The following LCLAT1 variants were observed in gnomAD, a reference collection of about 807,000 sequenced individuals.
LCLAT1 encodes the protein 1-AGP acyltransferase 8.
Under a neutral mutation model 30.7 loss-of-function variants are expected in LCLAT1, and 11 were observed. That is an observed-to-expected ratio of 0.36 (90% confidence interval 0.23 to 0.59). LCLAT1 has a LOEUF of 0.59. Among genes scored for constraint, LCLAT1 ranks in the 20% least tolerant of loss-of-function variants. LCLAT1 has a pLI of 0.77. For missense variants in LCLAT1, 402 were observed against 458.6 expected, an observed-to-expected ratio of 0.88 and a Z score of 1.13; for synonymous variants, 155 against 151.3, an observed-to-expected ratio of 1.02 and a Z score of -0.18.
intron 3 of LCLAT1, among the ~76,000 whole-genome samples, chr2:30,549,798 A>G (rs555005085): frequency 1.3e-5 from 2 of 152,232 alleles, no homozygotes; most frequent in African/African-American, 4.8e-5. Context: ...TATTTATTAT[A>G]TATGTCATTT....
chr2:30,594,648 A>G (rs899874764), intron 5 of LCLAT1, among the ~76,000 whole-genome samples: 3 of 152,354 alleles, frequency 2.0e-5, no homozygotes, highest in South Asian at 2.1e-4. Flanking sequence ...AGTTACCACT[A>G]TTGGATTAAC....
chr2:30,511,753 T>C (rs1390397302), intron 1 of LCLAT1, among the ~76,000 whole-genome samples: 2 of 152,210 alleles, frequency 1.3e-5, no homozygotes, highest in Admixed American at 6.5e-5. Flanking sequence ...GAAACTCTGT[T>C]TTACCTTCTC....
At chr2:30,471,516 G>T (rs1407593338) in intron 1 of LCLAT1, among the ~76,000 whole-genome samples, 2 of 152,174 alleles carry the variant, frequency 1.3e-5, no homozygotes, top group East Asian at 3.9e-4. Flanking sequence ...GGCCAGTATT[G>T]TCTTTTAATC....
At chr2:30,516,359 G>A (rs1310329914) in intron 1 of LCLAT1, among the ~76,000 whole-genome samples, 1 of 152,074 alleles carries the variant, frequency 6.6e-6, no homozygotes, top group Non-Finnish European at 1.5e-5. Context: ...TCGCAGACCC[G>A]CCATTGACTT....
chr2:30,609,962 G>T (rs1280648886), intron 5 of LCLAT1, among the ~76,000 whole-genome samples: 1 of 151,968 alleles, frequency 6.6e-6, no homozygotes, highest in Non-Finnish European at 1.5e-5. Context: ...ACTCTTTATT[G>T]ATACTTTTGA....
At chr2:30,558,453 A>G (rs1665034251) in intron 3 of LCLAT1, among the ~76,000 whole-genome samples, 2 of 152,064 alleles carry the variant, frequency 1.3e-5, no homozygotes, top group South Asian at 4.1e-4. Context: ...TACAAAAATT[A>G]GCCGGGCATG....
intron 5 of LCLAT1, among the ~76,000 whole-genome samples, chr2:30,609,172 T>C (rs72859002): frequency 0.044 from 6,684 of 152,252 alleles, 484 homozygotes; most frequent in African/African-American, 0.15. Flanking sequence ...GTTCTAGATA[T>C]AATCCCTTGT....
At chr2:30,508,751 T>C (rs1241383701) in intron 1 of LCLAT1, among the ~76,000 whole-genome samples, 2 of 152,146 alleles carry the variant, frequency 1.3e-5, no homozygotes, top group Non-Finnish European at 2.9e-5. Context: ...CTCTTTGGGC[T>C]CTTTTTTGGT....
rs567367439 is a variant in LCLAT1 at position 30,451,588 on chromosome 2, GA to G, written c.-5+4206del. ...CCTATTGTACATCAGCAGTAGAATG[GA>G]TGAGTAAATCGTGATATATTTATAA... On this transcript the variant is annotated intron_variant, in intron 1 of 5. Coordinates refer to ENST00000379509, the MANE Select transcript of LCLAT1 (RefSeq NM_001002257.3). 2.1e-4 allele frequency among the ~76,000 whole-genome samples: 32 copies of G among 151,558 alleles called. No homozygotes were observed. In the South Asian group the frequency reaches 4.9e-3, roughly 23 times the overall value.
At chr2:30,608,517 T>C (rs935496057) in intron 5 of LCLAT1, among the ~76,000 whole-genome samples, 1 of 152,056 alleles carries the variant, frequency 6.6e-6, no homozygotes, top group African/African-American at 2.4e-5. Context: ...GCAGACTCCA[T>C]TCATGGTAAG....
At chr2:30,548,733 C>CAAA (rs138303485) in intron 3 of LCLAT1, among the ~76,000 whole-genome samples, 1 of 152,038 alleles carries the variant, frequency 6.6e-6, no homozygotes, top group Non-Finnish European at 1.5e-5. Context: ...ATTTTTCCCA[C>CAAA]AAAAAACTTT....
chr2:30,531,909 G>A (rs943486587), intron 2 of LCLAT1, among the ~76,000 whole-genome samples: 11 of 152,140 alleles, frequency 7.2e-5, no homozygotes, highest in African/African-American at 2.7e-4. Flanking sequence ...AATTTTGCGT[G>A]TAACTGTCAA....
chr2:30,567,286 A>G (rs1021976547), intron 4 of LCLAT1, among the ~76,000 whole-genome samples: 6 of 152,232 alleles, frequency 3.9e-5, no homozygotes, highest in Middle Eastern at 3.2e-3. Context: ...CAGAAAATGT[A>G]TAAAAATCGA....
chr2:30,505,236 T>C (rs1309872059), intron 1 of LCLAT1, among the ~76,000 whole-genome samples: 2 of 152,042 alleles, frequency 1.3e-5, no homozygotes, highest in Admixed American at 1.3e-4. Context: ...TACTTATCAG[T>C]TTGCCCTCTA....
chr2:30,575,980 C>T (rs1407718087), intron 5 of LCLAT1, among the ~76,000 whole-genome samples: 2 of 151,888 alleles, frequency 1.3e-5, no homozygotes, highest in Non-Finnish European at 2.9e-5. Context: ...ATAATTACTG[C>T]GTGTCTTATG....
At chr2:30,545,690 T>C (rs1664372350) in intron 3 of LCLAT1, among the ~76,000 whole-genome samples, 1 of 152,174 alleles carries the variant, frequency 6.6e-6, no homozygotes. Context: ...GTGGTGCATA[T>C]GTAGATTTTT....
chr2:30,599,206 T>C (rs1390650174), intron 5 of LCLAT1, among the ~76,000 whole-genome samples: 1 of 152,138 alleles, frequency 6.6e-6, no homozygotes, highest in Non-Finnish European at 1.5e-5. Context: ...GGTCTCAAAC[T>C]CCTGACCTCA....
intron 1 of LCLAT1, among the ~76,000 whole-genome samples, chr2:30,451,176 C>T (rs111237329): frequency 6.6e-6 from 1 of 152,216 alleles, no homozygotes; most frequent in Non-Finnish European, 1.5e-5. Context: ...TACTGCTATA[C>T]ACCTTCCAGA....
chr2:30,548,894 G>T (rs1664551849), intron 3 of LCLAT1, among the ~76,000 whole-genome samples: 1 of 152,086 alleles, frequency 6.6e-6, no homozygotes, highest in Non-Finnish European at 1.5e-5. Flanking sequence ...GGTTTGTAGG[G>T]CATGACTCCC....
Sources: gnomAD v4.1 joint callset for allele counts (sites outside exome capture counted in the v4.1 genomes callset) on GRCh38, gnomAD v4.1.1 for gene constraint, MANE v1.5 for transcripts, NCBI Gene and HGNC (gene_info 2026-07-23, HGNC 2026-07-21) for gene names.